The following ERC1 variants were observed in gnomAD, a reference collection of about 807,000 sequenced individuals.
ERC1 encodes the protein ELKS/RAB6-interacting/CAST family member 1.
A neutral mutation model predicts 132.0 loss-of-function variants in ERC1; 56 were observed. The observed-to-expected ratio is 0.42, with a 90% CI of 0.34 to 0.53. The LOEUF is 0.53. Among genes scored for constraint, ERC1 ranks in the 20% least tolerant of loss-of-function variants. The pLI, the probability that ERC1 is intolerant of heterozygous loss-of-function variation, is 0.03. For synonymous variants in ERC1, 478 were observed against 476.1 expected, an observed-to-expected ratio of 1.00 and a Z score of -0.05; for missense variants, 1,202 against 1,349.9, an observed-to-expected ratio of 0.89 and a Z score of 1.72.
At chr12:1,114,864 A>G (rs1439307999) in intron 6 of ERC1, among the ~76,000 whole-genome samples, 1 of 152,220 alleles carries the variant, frequency 6.6e-6, no homozygotes, top group African/African-American at 2.4e-5. Flanking sequence ...CAGAAGGCTA[A>G]ATTGGAAATT....
chr12:1,236,003 T>G (rs2154302719), intron 12 of ERC1, among the ~76,000 whole-genome samples: 1 of 150,848 alleles, frequency 6.6e-6, no homozygotes, highest in East Asian at 1.9e-4. Context: ...ACACTCTGAA[T>G]GGTCTAAGTC....
intron 1 of ERC1, among the ~76,000 whole-genome samples, chr12:994,212 A>T (rs1056227765): frequency 6.6e-6 from 1 of 152,212 alleles, no homozygotes; most frequent in African/African-American, 2.4e-5. Flanking sequence ...ATGGAAAAAG[A>T]TCAAGAAATG....
intron 14 of ERC1, among the ~76,000 whole-genome samples, chr12:1,265,690 A>T (rs2077436271): frequency 6.6e-6 from 1 of 152,148 alleles, no homozygotes; most frequent in South Asian, 2.1e-4. Context: ...GAGTAGTTGC[A>T]CTGCCCTTAA....
chr12:1,490,743 G>C lies in ERC1; in HGVS notation c.*513G>C, dbSNP rs1161481102. The C allele has an allele frequency of 1.8e-5, 4 of 219,450 alleles. No homozygotes were observed. The highest frequency in any genetic ancestry group is 2.7e-5 in the Non-Finnish European group (3 of 109,560). The allele number at this position is 219,450 out of a possible 1,614,324, so 13.6% of individuals were successfully genotyped here. On this transcript the variant is annotated 3_prime_UTR_variant, in exon 19 of 19. Transcript: ENST00000360905. ...AGAAAAAGAGAAGGGGGGAAGGGAA[G>C]AGAAAATCGACTCTTCTTTTTACTG...
At position 1,492,403 on chromosome 12, in the gene ERC1, G is replaced by A. The variant is rs1027046964; in HGVS notation, c.*2173G>A. ...GTGATAACAGCCTTCACGGGGCCAC[G>A]GTGGAACCAAGACAGCAGGCGAGGC... On this transcript the variant is annotated 3_prime_UTR_variant, in exon 19 of 19. Coordinates refer to ENST00000360905, the MANE Select transcript of ERC1 (RefSeq NM_178040.4). 4.7e-5 allele frequency: 11 copies of A among 233,042 alleles called. No homozygotes were observed. Among genetic ancestry groups the A allele is most frequent in the African/African-American group, 8.8e-5 (4 of 45,318 alleles). The allele number at this position is 233,042 out of a possible 1,614,324, so 14.4% of individuals were successfully genotyped here.
At chr12:1,400,922 T>TA (rs1566775133) in intron 16 of ERC1, among the ~76,000 whole-genome samples, 4 of 55,928 alleles carry the variant, frequency 7.2e-5, no homozygotes, top group Non-Finnish European at 1.2e-4. Context: ...TTGTATTTTT[T>TA]TTTTTTTTTT....
Position 1,445,222 on chromosome 12 carries a change from ATT to A in ERC1, c.3213+496_3213+497del, listed in dbSNP as rs137864873. On this transcript the variant is annotated intron_variant, in intron 18 of 18. Transcript: ENST00000360905. ...GTATAGTCAGCATGTTGTACAGTAG[ATT>A]TTTTTTTTTTTTTTTTTTTTTTTGA... is the stretch of plus-strand genomic sequence containing the variant. Among the ~76,000 whole-genome samples, 539 of 90,622 alleles carry A rather than the reference ATT, an allele frequency of 5.9e-3. 3 individuals are homozygous for A. Among genetic ancestry groups the A allele is most frequent in the African/African-American group, 0.013 (247 of 18,726 alleles). The allele number at this position is 90,622 out of a possible 152,430, so 59.5% of individuals were successfully genotyped here.
At chr12:1,077,215 G>A (rs746912432) in intron 2 of ERC1, among the ~76,000 whole-genome samples, 16 of 151,966 alleles carry the variant, frequency 1.1e-4, no homozygotes, top group Non-Finnish European at 2.2e-4. Flanking sequence ...ACCATTTCAC[G>A]TGTCCATAAT....
intron 8 of ERC1, among the ~76,000 whole-genome samples, chr12:1,171,080 A>G (rs145902010): frequency 2.0e-5 from 3 of 152,330 alleles, no homozygotes; most frequent in Non-Finnish European, 2.9e-5. Flanking sequence ...ATTCATTGCA[A>G]TAATTCACTC....
At chr12:1,014,171 AG>A (rs1315250479) in intron 1 of ERC1, among the ~76,000 whole-genome samples, 1 of 151,610 alleles carries the variant, frequency 6.6e-6, no homozygotes, top group Non-Finnish European at 1.5e-5. Context: ...AAAAAATGTA[AG>A]TTTTTTTTTT....
At chr12:1,461,372 A>C (rs1255991417) in intron 18 of ERC1, among the ~76,000 whole-genome samples, 1 of 152,234 alleles carries the variant, frequency 6.6e-6, no homozygotes, top group Non-Finnish European at 1.5e-5. Context: ...TTTTGGCTCT[A>C]AAATTGAACT....
At chr12:1,011,090 CA>C (rs1391902716) in intron 1 of ERC1, among the ~76,000 whole-genome samples, 6 of 152,274 alleles carry the variant, frequency 3.9e-5, no homozygotes, top group African/African-American at 1.2e-4. Context: ...ATAGCAACTG[CA>C]AGTGCTGTGT....
chr12:1,468,146 T>TA (rs879504392), intron 18 of ERC1, among the ~76,000 whole-genome samples: 1 of 151,910 alleles, frequency 6.6e-6, no homozygotes, highest in South Asian at 2.1e-4. Flanking sequence ...AAAAAATACT[T>TA]ACTTCTAAAA....
chr12:1,270,627 ATG>A (rs1428379377), intron 14 of ERC1, among the ~76,000 whole-genome samples: 1 of 151,826 alleles, frequency 6.6e-6, no homozygotes, highest in Non-Finnish European at 1.5e-5. Context: ...TTTAATTAAA[ATG>A]TATTCATGTT....
intron 18 of ERC1, among the ~76,000 whole-genome samples, chr12:1,485,201 C>CTTTTTTTTTTTTT (rs71441650): frequency 2.1e-5 from 2 of 96,378 alleles, no homozygotes; most frequent in Non-Finnish European, 3.9e-5. Flanking sequence ...GTTTATATTT[C>CTTTTTTTTTTTTT]TTTTTTTTTT....
chr12:1,335,894 G>A (rs1266269024), intron 15 of ERC1, among the ~76,000 whole-genome samples: 1 of 151,962 alleles, frequency 6.6e-6, no homozygotes, highest in Non-Finnish European at 1.5e-5. Context: ...TGGTTGGTTG[G>A]TTGGTTGGTT....
intron 1 of ERC1, among the ~76,000 whole-genome samples, chr12:992,176 C>T (rs1959634580): frequency 6.6e-6 from 1 of 152,048 alleles, no homozygotes; most frequent in African/African-American, 2.4e-5. Context: ...TTTTTCCCCC[C>T]AATGCCTAAA....
At chr12:1,155,870 AAAAT>A (rs964838372) in intron 8 of ERC1, among the ~76,000 whole-genome samples, 1 of 151,928 alleles carries the variant, frequency 6.6e-6, no homozygotes, top group East Asian at 1.9e-4. Context: ...AGGTAAAAAA[AAAAT>A]AAATAAATAA....
intron 12 of ERC1, among the ~76,000 whole-genome samples, chr12:1,200,367 T>C (rs1956790407): frequency 6.6e-6 from 1 of 152,186 alleles, no homozygotes; most frequent in Non-Finnish European, 1.5e-5. Flanking sequence ...TTTTAAATGT[T>C]ACTTTTTTTG....
Sources: gnomAD v4.1 joint callset for allele counts (sites outside exome capture counted in the v4.1 genomes callset) on GRCh38, gnomAD v4.1.1 for gene constraint, MANE v1.5 for transcripts, NCBI Gene and HGNC (gene_info 2026-07-23, HGNC 2026-07-21) for gene names.